The following FAM227B variants were observed in gnomAD, a reference collection of about 807,000 sequenced individuals.
FAM227B encodes the protein family with sequence similarity 227 member B, also known as protein FAM227B.
Under a neutral mutation model 73.8 loss-of-function variants are expected in FAM227B, and 88 were observed. The ratio of observed to expected loss-of-function variants is 1.19; its 90% CI spans 1.00 to 1.42. The LOEUF (loss-of-function observed/expected upper bound fraction) is 1.42, where lower values mean the gene tolerates loss of function less well. Among genes scored for constraint, FAM227B ranks in the 40% most tolerant of loss-of-function variants. FAM227B has a pLI of 0.00. For missense variants in FAM227B, 632 were observed against 590.9 expected (o/e 1.07, Z -0.72); for synonymous variants, 210 against 190.5 (o/e 1.10, Z -0.84).
At chr15:49,597,878 T>C (rs2076972112) in intron 3 of FAM227B, among the ~76,000 whole-genome samples, 1 of 151,648 alleles carries the variant, frequency 6.6e-6, no homozygotes, top group Non-Finnish European at 1.5e-5. Context: ...CTAGAGGAGA[T>C]GGATAAATTC....
chr15:49,611,144 A>G, intron 3 of FAM227B, 71 bp downstream of exon 3: 2 of 907,170 alleles, frequency 2.2e-6, no homozygotes. Flanking sequence ...GTTTATTCTA[A>G]GCCTTCTAAA....
intron 11 of FAM227B, among the ~76,000 whole-genome samples, chr15:49,387,731 C>T (rs1046787900): frequency 6.6e-6 from 1 of 151,720 alleles, no homozygotes; most frequent in South Asian, 2.1e-4. Context: ...CTAGAACATC[C>T]TAAGTACTCC....
At chr15:49,521,724 G>T (rs900984157) in intron 10 of FAM227B, among the ~76,000 whole-genome samples, 2 of 152,086 alleles carry the variant, frequency 1.3e-5, no homozygotes, top group African/African-American at 2.4e-5. Flanking sequence ...GTTTTCCATG[G>T]ACCTAGTCAC....
intron 8 of FAM227B, among the ~76,000 whole-genome samples, chr15:49,574,440 T>C (rs2075318647): frequency 6.6e-6 from 1 of 152,022 alleles, no homozygotes; most frequent in Middle Eastern, 3.4e-3. Context: ...TGAGTTCTCA[T>C]GAGATCTGTG....
intron 11 of FAM227B, among the ~76,000 whole-genome samples, chr15:49,406,817 A>G (rs1320524193): frequency 1.3e-5 from 2 of 152,080 alleles, no homozygotes; most frequent in African/African-American, 4.8e-5. Context: ...GGGAAGACAC[A>G]GTGTGGAGAG....
Position 49,353,372 on chromosome 15 carries a change from G to C in FAM227B, c.1271+14076C>G, listed in dbSNP as rs867015912. 2.6e-5 allele frequency: 4 copies of C among 152,144 alleles called. No homozygotes were observed. In the South Asian group the frequency reaches 8.3e-4, roughly 32 times the overall value. 9.4% of individuals were successfully genotyped at this position (152,144 alleles called of 1,614,324 possible). ...CTGTTTGGGATCACACTGTGTCTCT[G>C]TTTTTCCTCTTTTCAGACAATTAGA... On this transcript the variant is annotated intron_variant, in intron 13 of 15. Transcript: ENST00000299338.
At chr15:49,543,698 G>A (rs2071404568) in intron 9 of FAM227B, among the ~76,000 whole-genome samples, 1 of 152,070 alleles carries the variant, frequency 6.6e-6, no homozygotes, top group Non-Finnish European at 1.5e-5. Flanking sequence ...CAAGTATCCA[G>A]CTTTATTCTT....
chr15:49,468,766 A>G (rs1478338111), intron 11 of FAM227B, among the ~76,000 whole-genome samples: 2 of 152,198 alleles, frequency 1.3e-5, no homozygotes, highest in African/African-American at 2.4e-5. Context: ...AGCAAAGCCA[A>G]CATGTGCACA....
rs753427866 is a variant in FAM227B at position 49,588,002 on chromosome 15, CAT to C, written c.405+12_405+13del. ...ATCCAACTTTCAAGGATGATAAAAACATAGATACCATACCATTATCTTTTTTT... is the reference window on the plus strand; with the variant it reads ...ATCCAACTTTCAAGGATGATAAAAACAGATACCATACCATTATCTTTTTTT... On this transcript the variant is annotated intron_variant, in intron 5 of 15. Transcript: ENST00000299338. The C allele has an allele frequency of 9.1e-6, 13 of 1,430,278 alleles. No homozygotes were observed. The Admixed American group carries it at 3.4e-4, about 37-fold the overall frequency. The allele number at this position is 1,430,278 out of a possible 1,614,324, so 88.6% of individuals were successfully genotyped here. A position where few individuals can be genotyped will look rare whatever the true frequency, so the allele number is the denominator to read the frequency against.
intron 11 of FAM227B, among the ~76,000 whole-genome samples, chr15:49,416,962 G>C (rs1203101293): frequency 6.6e-6 from 1 of 152,094 alleles, no homozygotes; most frequent in Non-Finnish European, 1.5e-5. Flanking sequence ...TGGCCACACT[G>C]CCTAAAGCAA....
intron 11 of FAM227B, among the ~76,000 whole-genome samples, chr15:49,395,275 A>G (rs1446523134): frequency 2.0e-5 from 3 of 152,180 alleles, no homozygotes; most frequent in African/African-American, 7.2e-5. Context: ...TAAGAAGAAT[A>G]AAGATGGTTT....
chr15:49,355,323 A>G (rs1001829952), intron 13 of FAM227B, among the ~76,000 whole-genome samples: 2 of 152,218 alleles, frequency 1.3e-5, no homozygotes, highest in Non-Finnish European at 2.9e-5. Flanking sequence ...ACCAAAGGCA[A>G]AGAAGTTGAA....
At chr15:49,595,706 G>A (rs932751253) in intron 3 of FAM227B, among the ~76,000 whole-genome samples, 1 of 149,350 alleles carries the variant, frequency 6.7e-6, no homozygotes, top group African/African-American at 2.5e-5. Context: ...CAAACATGAG[G>A]GAATTAAAAT....
At chr15:49,374,117 C>T (rs2046008562) in intron 11 of FAM227B, among the ~76,000 whole-genome samples, 1 of 152,116 alleles carries the variant, frequency 6.6e-6, no homozygotes, top group South Asian at 2.1e-4. Context: ...AAAAGCTCTA[C>T]TTTATAAAGA....
chr15:49,425,633 A>C (rs1033467270), intron 11 of FAM227B: 2 of 151,946 alleles, frequency 1.3e-5, no homozygotes, highest in Admixed American at 6.6e-5. Flanking sequence ...GCAATTACTC[A>C]AACTTTTGTT....
intron 11 of FAM227B, among the ~76,000 whole-genome samples, chr15:49,385,071 G>A (rs1253166427): frequency 2.0e-5 from 3 of 151,994 alleles, no homozygotes; most frequent in East Asian, 3.9e-4. Context: ...TTCTCTGAAG[G>A]TATCTCCTAA....
intron 11 of FAM227B, among the ~76,000 whole-genome samples, chr15:49,453,293 G>T (rs1263956687): frequency 1.3e-5 from 2 of 151,632 alleles, no homozygotes; most frequent in African/African-American, 4.8e-5. Context: ...ATTTTAAGAT[G>T]GGATTTCACC....
At chr15:49,511,982 C>T (rs1358213274) in intron 10 of FAM227B, among the ~76,000 whole-genome samples, 1 of 152,102 alleles carries the variant, frequency 6.6e-6, no homozygotes, top group African/African-American at 2.4e-5. Flanking sequence ...ATCACAATGC[C>T]TCTCCAGCAA....
intron 11 of FAM227B, among the ~76,000 whole-genome samples, chr15:49,456,783 TG>T (rs1305654334): frequency 2.0e-5 from 3 of 152,050 alleles, no homozygotes; most frequent in Non-Finnish European, 4.4e-5. Flanking sequence ...TGACAGGTGA[TG>T]GGAAGTCACA....
Sources: gnomAD v4.1 joint callset for allele counts (sites outside exome capture counted in the v4.1 genomes callset) on GRCh38, gnomAD v4.1.1 for gene constraint, MANE v1.5 for transcripts, NCBI Gene and HGNC (gene_info 2026-07-23, HGNC 2026-07-21) for gene names.